Variants in TNIP3 observed in about 807,000 individuals in gnomAD.
TNIP3 encodes the protein TNFAIP3 interacting protein 3.
Under a neutral mutation model 54.1 loss-of-function variants are expected in TNIP3, and 34 were observed. That is an observed-to-expected ratio of 0.63 (90% CI 0.48 to 0.84). The LOEUF is 0.84. Ranked by LOEUF, TNIP3 falls within the 40% of genes least tolerant of loss-of-function variation. TNIP3 has a pLI of 0.00. For synonymous variants in TNIP3, 134 were observed against 136.8 expected (o/e 0.98, Z 0.14); for missense variants, 366 against 387.6 (o/e 0.94, Z 0.47).
At position 121,212,770 on chromosome 4, in the gene TNIP3, A is replaced by G. The variant is rs555420674; in HGVS notation, c.68+3645T>C. Among the ~76,000 whole-genome samples, 103 of 152,346 alleles carry G rather than the reference A, an allele frequency of 6.8e-4. No individual in the cohort carries two copies. The Middle Eastern group carries it at 0.014, about 20-fold the overall frequency. ...GATAAACTTAACTTACCGCAACTGTATAAATGATTCTTTCTTCTGCCTTTC... is the reference window on the plus strand; with the variant it reads ...GATAAACTTAACTTACCGCAACTGTGTAAATGATTCTTTCTTCTGCCTTTC... On this transcript the variant is annotated intron_variant, in intron 2 of 12. Transcript: ENST00000507879.
upstream of TNIP3, chr4:121,164,369 A>T: frequency 7.9e-7 from 1 of 1,259,182 alleles, no homozygotes; most frequent in East Asian, 3.5e-5. Flanking sequence ...TTCTCTTCCA[A>T]ATAGGGATTT....
chr4:121,141,769 TACCAAA>T (rs1302675985), intron 9 of TNIP3, 41 bp downstream of exon 9: 9 of 1,263,832 alleles, frequency 7.1e-6, no homozygotes, highest in Admixed American at 2.7e-5. Context: ...ACATAATTTC[TACCAAA>T]ACAGTATACT....
chr4:121,180,395 G>A (rs1336014644), intron 3 of TNIP3, among the ~76,000 whole-genome samples: 3 of 151,202 alleles, frequency 2.0e-5, no homozygotes, highest in Non-Finnish European at 2.9e-5. Flanking sequence ...GCGAGACTCC[G>A]CCTCAGAAAA....
chr4:121,132,213 AACACACAC>A lies in TNIP3; in HGVS notation c.*410_*417del, dbSNP rs10561132. The A allele has an allele frequency of 0.24, 34,714 of 146,930 alleles. 4,103 individuals are homozygous for A. Among genetic ancestry groups the A allele is most frequent in the African/African-American group, 0.29 (11,454 of 39,648 alleles). The allele number at this position is 146,930 out of a possible 1,614,324, so 9.1% of individuals were successfully genotyped here. ...AACTGCAGAAATTTTTACCCCAGGA[AACACACAC>A]ACACACACACACACACACACACACA... On this transcript the variant is annotated 3_prime_UTR_variant, in exon 11 of 11. Transcript: ENST00000057513.
At chr4:121,167,033 G>A (rs1227130188), upstream of TNIP3, among the ~76,000 whole-genome samples, 2 of 152,022 alleles carry the variant, frequency 1.3e-5, no homozygotes, top group Non-Finnish European at 2.9e-5. Flanking sequence ...TTCTCCTAGG[G>A]TTGCTATCTG....
intron 2 of TNIP3, among the ~76,000 whole-genome samples, chr4:121,200,635 T>A (rs1487240837): frequency 1.5e-5 from 2 of 134,118 alleles, no homozygotes; most frequent in African/African-American, 2.4e-5. Flanking sequence ...CAAAGAGAAC[T>A]GTTGCAAACA....
chr4:121,141,695 G>A (rs1729126727), intron 9 of TNIP3, 121 bp downstream of exon 9: 1 of 598,056 alleles, frequency 1.7e-6, no homozygotes, highest in East Asian at 3.4e-5. Context: ...TTGCAAGTTA[G>A]AGGCTGAGAG....
At chr4:121,220,305 A>T (rs1407612420), upstream of TNIP3, among the ~76,000 whole-genome samples, 1 of 152,186 alleles carries the variant, frequency 6.6e-6, no homozygotes, top group Non-Finnish European at 1.5e-5. Flanking sequence ...TACATAGGTG[A>T]ACATCATTGC....
Position 121,132,576 on chromosome 4 carries a change from G to A in TNIP3, c.*55C>T. On this transcript the variant is annotated 3_prime_UTR_variant, in exon 11 of 11. Coordinates refer to ENST00000057513, the MANE Select transcript of TNIP3 (RefSeq NM_024873.6). ...AAGCCTCAGTATAAACAAAGAAGAG[G>A]GTCCTCAGCCACGCTCCCTCGTTGC... 1.3e-6 allele frequency: 2 copies of A among 1,535,770 alleles called. No homozygotes were observed. Among genetic ancestry groups the A allele is most frequent in the Non-Finnish European group, 9.0e-7 (1 of 1,110,896 alleles).
At chr4:121,141,517 T>C (rs995095845) in intron 9 of TNIP3, among the ~76,000 whole-genome samples, 4 of 152,238 alleles carry the variant, frequency 2.6e-5, no homozygotes, top group Non-Finnish European at 2.9e-5. Context: ...ATACACTTTA[T>C]ACAGAAAATG....
intron 1 of TNIP3, 83 bp from the exon 2 acceptor site, chr4:121,161,299 A>G: frequency 8.1e-7 from 1 of 1,234,658 alleles, no homozygotes; most frequent in Non-Finnish European, 1.1e-6. Context: ...AACCCCATGC[A>G]TTTGGCCAAC....
At chr4:121,169,148 T>G (rs1048744293), upstream of TNIP3, among the ~76,000 whole-genome samples, 1 of 152,128 alleles carries the variant, frequency 6.6e-6, no homozygotes, top group Non-Finnish European at 1.5e-5. Context: ...TCACTCATAG[T>G]GAAAGCAGAA....
chr4:121,198,881 A>T (rs1416892462), intron 2 of TNIP3, among the ~76,000 whole-genome samples: 2 of 152,218 alleles, frequency 1.3e-5, no homozygotes, highest in Non-Finnish European at 2.9e-5. Flanking sequence ...TATAGCTCTG[A>T]GGTATTTAAA....
chr4:121,162,556 G>T lies in TNIP3; in HGVS notation c.67-1340C>A, dbSNP rs2148815980. On this transcript the variant is annotated intron_variant, in intron 1 of 10. Transcript: ENST00000057513. ...AAGAAACTGGACCCATTCTGGGTTA[G>T]AACAGACTAACTATTAAGCATCTTT... is the stretch of plus-strand genomic sequence containing the variant. 1.3e-5 allele frequency among the ~76,000 whole-genome samples: 2 copies of T among 152,294 alleles called. 1 individual carries two copies. Among genetic ancestry groups the T allele is most frequent in the South Asian group, 4.1e-4 (2 of 4,828 alleles).
chr4:121,194,860 G>A (rs934136801), intron 2 of TNIP3, among the ~76,000 whole-genome samples: 30 of 69,578 alleles, frequency 4.3e-4, no homozygotes, highest in Non-Finnish European at 6.0e-4. Flanking sequence ...AAAAAAAAAA[G>A]TACACACACA....
intron 7 of TNIP3, 125 bp from the exon 8 acceptor site, chr4:121,142,901 T>G: frequency 1.3e-6 from 1 of 741,638 alleles, no homozygotes; most frequent in Non-Finnish European, 2.2e-6. Flanking sequence ...AGCCACAAGT[T>G]GGTTTTTGCA....
intron 5 of TNIP3, among the ~76,000 whole-genome samples, chr4:121,153,308 C>A (rs959268): frequency 0.88 from 133,373 of 152,190 alleles, 58,543 homozygotes; most frequent in South Asian, 0.92. Flanking sequence ...ATGAGCAAAA[C>A]TACAGCATTC....
chr4:121,147,565 A>T (rs941742573), intron 6 of TNIP3, among the ~76,000 whole-genome samples: 1 of 152,260 alleles, frequency 6.6e-6, no homozygotes, highest in Admixed American at 6.5e-5. Flanking sequence ...CTCATAAATA[A>T]TAGTAATATT....
chr4:121,139,403 C>T (rs147808941), intron 9 of TNIP3, among the ~76,000 whole-genome samples: 10 of 152,300 alleles, frequency 6.6e-5, no homozygotes, highest in African/African-American at 2.2e-4. Context: ...AGGCCAGCAC[C>T]TCTGTATTTA....
Sources: gnomAD v4.1 joint callset for allele counts (sites outside exome capture counted in the v4.1 genomes callset) on GRCh38, gnomAD v4.1.1 for gene constraint, MANE v1.5 for transcripts, NCBI Gene and HGNC (gene_info 2026-07-23, HGNC 2026-07-21) for gene names.